Variants in RCSD1 observed in about 807,000 individuals in gnomAD.
RCSD1 encodes capZ-interacting protein.
A neutral mutation model predicts 42.5 loss-of-function variants in RCSD1; 26 were observed. The observed-to-expected ratio is 0.61, with a 90% CI of 0.45 to 0.85. The LOEUF is 0.85. Among genes scored for constraint, RCSD1 ranks in the 40% least tolerant of loss-of-function variants. The pLI, the probability that RCSD1 is intolerant of heterozygous loss-of-function variation, is 0.00. For missense variants in RCSD1, 571 were observed against 528.3 expected, an observed-to-expected ratio of 1.08 and a Z score of -0.79; for synonymous variants, 220 against 212.2, an observed-to-expected ratio of 1.04 and a Z score of -0.32.
intron 1 of RCSD1, chr1:167,640,661 T>C (rs1657982868): frequency 6.6e-6 from 1 of 152,262 alleles, no homozygotes; most frequent in Admixed American, 6.6e-5. Flanking sequence ...AGTGATCCTC[T>C]CACCTCATCC....
chr1:167,690,604 G>T (rs1659352146), intron 4 of RCSD1, among the ~76,000 whole-genome samples: 1 of 152,112 alleles, frequency 6.6e-6, no homozygotes, highest in Non-Finnish European at 1.5e-5. Context: ...GGCCCAGGAG[G>T]TTGAGACTGT....
At chr1:167,680,782 C>T (rs1247261509) in intron 1 of RCSD1, among the ~76,000 whole-genome samples, 2 of 152,202 alleles carry the variant, frequency 1.3e-5, no homozygotes, top group African/African-American at 2.4e-5. Flanking sequence ...CAAGTACATG[C>T]TATGTTTCAG....
At chr1:167,678,104 T>C (rs1269877964) in intron 1 of RCSD1, among the ~76,000 whole-genome samples, 1 of 152,170 alleles carries the variant, frequency 6.6e-6, no homozygotes, top group Non-Finnish European at 1.5e-5. Flanking sequence ...ACATTGAGAA[T>C]GAAAGGCAGC....
chr1:167,633,562 A>C (rs1396317754), intron 1 of RCSD1: 3 of 152,226 alleles, frequency 2.0e-5, no homozygotes, highest in Non-Finnish European at 4.4e-5. Flanking sequence ...AATCCAAGTC[A>C]CTTGGAGGAA....
intron 6 of RCSD1, among the ~76,000 whole-genome samples, chr1:167,698,875 C>G (rs1659569769): frequency 6.6e-6 from 1 of 150,706 alleles, no homozygotes; most frequent in Non-Finnish European, 1.5e-5. Context: ...TCTCGGCTCA[C>G]TGCAAGCTCC....
At chr1:167,643,253 T>A (rs1310424263) in intron 1 of RCSD1, among the ~76,000 whole-genome samples, 1 of 152,206 alleles carries the variant, frequency 6.6e-6, no homozygotes, top group Non-Finnish European at 1.5e-5. Context: ...CCTGAGCGTG[T>A]CTTCTGTAAG....
At chr1:167,643,820 T>A (rs1658064176) in intron 1 of RCSD1, among the ~76,000 whole-genome samples, 1 of 152,236 alleles carries the variant, frequency 6.6e-6, no homozygotes, top group Non-Finnish European at 1.5e-5. Context: ...TTAGGTGTGA[T>A]GTAATTGTTT....
At chr1:167,686,065 CTCTGGTA>C (rs1659229049) in intron 3 of RCSD1, among the ~76,000 whole-genome samples, 1 of 152,178 alleles carries the variant, frequency 6.6e-6, no homozygotes, top group Non-Finnish European at 1.5e-5. Context: ...ATAATAAAGG[CTCTGGTA>C]TCATAGATCA....
Position 167,683,974 on chromosome 1 carries a change from T to G in RCSD1, c.81T>G (p.Phe27Leu), listed in dbSNP as rs1416099753. 1.2e-5 allele frequency: 20 copies of G among 1,614,008 alleles called. No individual in the cohort carries two copies. The highest frequency in any genetic ancestry group is 1.5e-5 in the Non-Finnish European group (18 of 1,180,010). Residue 27 changes from phenylalanine (F) to leucine (L), a missense_variant, in exon 2 of 7, where the codon TTT becomes TTG. Physicochemically the swap from Phe to Leu is conservative, Grantham distance 22. Transcript: ENST00000367854. ...SPSVAQLAGRFREQAAAAKET... is the reference protein window; with the variant it reads ...SPSVAQLAGRLREQAAAAKET... The stretch of plus-strand genomic sequence containing the variant: ...CGGTGGCCCAGCTGGCCGGGCGGTT[T>G]AGGGAGCAGGCGGCTGCAGCCAAGG...
chr1:167,663,789 ACTAACAC>A (rs1558080680), intron 1 of RCSD1: 1 of 152,262 alleles, frequency 6.6e-6, no homozygotes, highest in East Asian at 1.9e-4. Flanking sequence ...CCACATTTTG[ACTAACAC>A]CTACTGTGTG....
chr1:167,678,479 A>T (rs1659002694), intron 1 of RCSD1, among the ~76,000 whole-genome samples: 1 of 150,620 alleles, frequency 6.6e-6, no homozygotes, highest in Non-Finnish European at 1.5e-5. Context: ...GTCATCCATG[A>T]TTCTTCTCTT....
intron 2 of RCSD1, among the ~76,000 whole-genome samples, chr1:167,684,673 G>A (rs1176344021): frequency 2.0e-5 from 3 of 152,074 alleles, no homozygotes; most frequent in South Asian, 4.2e-4. Flanking sequence ...TTGGGAGTTC[G>A]CGACCAGCCT....
intron 3 of RCSD1, among the ~76,000 whole-genome samples, chr1:167,686,668 A>C (rs1659243892): frequency 6.6e-6 from 1 of 152,232 alleles, no homozygotes; most frequent in Non-Finnish European, 1.5e-5. Context: ...GGGTCTCTTC[A>C]AGTGCCAACA....
At chr1:167,667,103 C>G (rs1658676564) in intron 1 of RCSD1, among the ~76,000 whole-genome samples, 1 of 151,940 alleles carries the variant, frequency 6.6e-6, no homozygotes, top group Non-Finnish European at 1.5e-5. Flanking sequence ...CCTTTTGGTC[C>G]CATTGTAGCT....
chr1:167,685,855 T>C (rs968536331), intron 3 of RCSD1, among the ~76,000 whole-genome samples: 3 of 152,280 alleles, frequency 2.0e-5, no homozygotes, highest in African/African-American at 7.2e-5. Flanking sequence ...AGATCTGACT[T>C]AGGTGATCTT....
intron 6 of RCSD1, among the ~76,000 whole-genome samples, chr1:167,699,017 C>A (rs1306481323): frequency 6.6e-6 from 1 of 152,120 alleles, no homozygotes; most frequent in Non-Finnish European, 1.5e-5. Flanking sequence ...CCAGGATGAT[C>A]TCGATCTCCT....
rs533015174 is a variant in RCSD1 at position 167,704,994 on chromosome 1, A to G, written c.*298A>G. 9.4e-5 allele frequency: 29 copies of G among 309,532 alleles called. No individual in the cohort carries two copies. The highest frequency in any genetic ancestry group is 7.4e-5 in the Non-Finnish European group (12 of 161,872). The allele number at this position is 309,532 out of a possible 1,614,324, so 19.2% of individuals were successfully genotyped here. A position where few individuals can be genotyped will look rare whatever the true frequency, so the allele number is the denominator to read the frequency against. The stretch of plus-strand genomic sequence containing the variant: ...ACAATGTACTGTGGTGATGAGTCCC[A>G]GGGGCACTGGTCAGCCTGTGGAGCC... On this transcript the variant is annotated 3_prime_UTR_variant, in exon 7 of 7. Coordinates refer to ENST00000367854, the MANE Select transcript of RCSD1 (RefSeq NM_052862.4).
chr1:167,633,209 A>G (rs1040867443), intron 1 of RCSD1, among the ~76,000 whole-genome samples: 3 of 152,228 alleles, frequency 2.0e-5, no homozygotes, highest in Non-Finnish European at 4.4e-5. Flanking sequence ...CAAAGTATAG[A>G]TGCCATCTGA....
intron 1 of RCSD1, among the ~76,000 whole-genome samples, chr1:167,667,443 G>T (rs548826205): frequency 6.6e-6 from 1 of 152,294 alleles, no homozygotes; most frequent in East Asian, 1.9e-4. Flanking sequence ...TGCTGAAATG[G>T]ATCTGAAAAT....
Sources: allele counts gnomAD v4.1 joint callset (sites outside exome capture counted in the v4.1 genomes callset), GRCh38; gene constraint gnomAD v4.1.1; transcripts MANE v1.5; gene names NCBI Gene and HGNC (gene_info 2026-07-23, HGNC 2026-07-21).